Variants in RPH3A observed in about 807,000 individuals in gnomAD.
RPH3A encodes the protein rabphilin 3A.
A neutral mutation model predicts 102.2 loss-of-function variants in RPH3A; 48 were observed. The observed-to-expected ratio is 0.47, with a 90% CI of 0.37 to 0.60. RPH3A has a LOEUF of 0.60. Among genes scored for constraint, RPH3A ranks in the 20% least tolerant of loss-of-function variants. RPH3A has a pLI of 0.00. For synonymous variants in RPH3A, 310 were observed against 324.3 expected, an observed-to-expected ratio of 0.96 and a Z score of 0.47; for missense variants, 781 against 910.1, an observed-to-expected ratio of 0.86 and a Z score of 1.83.
chr12:112,589,167 G>A lies in RPH3A; in HGVS notation c.-140+13848G>A, dbSNP rs1313598864. Among the ~76,000 whole-genome samples the A allele has an allele frequency of 2.6e-5, 4 of 151,860 alleles. No individual in the cohort carries two copies. The South Asian group carries it at 8.3e-4, about 32-fold the overall frequency. On this transcript the variant is annotated intron_variant, in intron 1 of 21. Coordinates refer to the RPH3A transcript ENST00000543106. ...TGGAGAGATGAGGCTGGAGGGGGAAGTGGGGGCCAACCCAGGAGGGTTGGT... is the reference window on the plus strand; with the variant it reads ...TGGAGAGATGAGGCTGGAGGGGGAAATGGGGGCCAACCCAGGAGGGTTGGT...
intron 1 of RPH3A, among the ~76,000 whole-genome samples, chr12:112,727,436 CAT>C (rs1565862349): frequency 1.3e-4 from 6 of 45,706 alleles, no homozygotes; most frequent in African/African-American, 8.3e-4. Flanking sequence ...CACACACACA[CAT>C]ACATACACAC....
intron 2 of RPH3A, among the ~76,000 whole-genome samples, chr12:112,826,421 A>T (rs971773528): frequency 6.6e-6 from 1 of 152,178 alleles, no homozygotes; most frequent in Non-Finnish European, 1.5e-5. Flanking sequence ...CAAAAGAGTG[A>T]CATAACTGAC....
intron 2 of RPH3A, among the ~76,000 whole-genome samples, chr12:112,812,690 CCCCTCTCT>C (rs1338421772): frequency 5.9e-5 from 9 of 151,978 alleles, no homozygotes; most frequent in Middle Eastern, 6.8e-3. Context: ...TCTCTCTCTT[CCCCTCTCT>C]CCCTCTCTCC....
intron 2 of RPH3A, among the ~76,000 whole-genome samples, chr12:112,798,773 T>G (rs978366972): frequency 6.6e-6 from 1 of 151,886 alleles, no homozygotes; most frequent in African/African-American, 2.4e-5. Context: ...CCTGTCTCCT[T>G]ACTTTTCCCA....
intron 1 of RPH3A, among the ~76,000 whole-genome samples, chr12:112,684,650 C>T (rs1410474157): frequency 2.6e-5 from 4 of 152,162 alleles, no homozygotes; most frequent in African/African-American, 9.7e-5. Flanking sequence ...AATTTAAATA[C>T]AAATTTATAT....
intron 18 of RPH3A, 31 bp downstream of exon 18, chr12:112,890,111 T>C (rs1363590890): frequency 6.3e-7 from 1 of 1,599,840 alleles, no homozygotes; most frequent in Non-Finnish European, 8.6e-7. Flanking sequence ...GAAGCCACAG[T>C]CAGGGTCTGT....
intron 1 of RPH3A, among the ~76,000 whole-genome samples, chr12:112,730,471 G>C (rs916061742): frequency 3.9e-5 from 6 of 152,188 alleles, no homozygotes; most frequent in African/African-American, 1.4e-4. Flanking sequence ...ATAAAGGCTT[G>C]GCCATGTCAG....
rs769596820 is a variant in RPH3A at position 112,708,142 on chromosome 12, A to G, written c.-139-84001A>G. 2.6e-4 allele frequency among the ~76,000 whole-genome samples: 40 copies of G among 152,240 alleles called. 1 individual carries two copies. Among genetic ancestry groups the G allele is most frequent in the Non-Finnish European group, 4.9e-4 (33 of 68,040 alleles). Reference sequence around the variant, plus strand: ...AAAGTCTTGGGCTCCTAACATCTATAGGAACAATGAGGAAGTTCATGGTTT... The same window carrying G: ...AAAGTCTTGGGCTCCTAACATCTATGGGAACAATGAGGAAGTTCATGGTTT... On this transcript the variant is annotated intron_variant, in intron 1 of 21. Transcript: ENST00000543106.
chr12:112,887,971 G>A (rs1283835716), intron 17 of RPH3A, 48 bp downstream of exon 17: 1 of 1,601,076 alleles, frequency 6.2e-7, no homozygotes, highest in South Asian at 1.1e-5. Context: ...GGAGATTGGG[G>A]GAGCTGCCTT....
chr12:112,834,178 A>C (rs1419622711), intron 3 of RPH3A, among the ~76,000 whole-genome samples: 3 of 152,132 alleles, frequency 2.0e-5, no homozygotes, highest in Non-Finnish European at 4.4e-5. Context: ...TTTAGCAATA[A>C]ATTTGTTTGC....
intron 1 of RPH3A, among the ~76,000 whole-genome samples, chr12:112,687,740 C>T (rs1280985281): frequency 6.6e-6 from 1 of 152,166 alleles, no homozygotes; most frequent in African/African-American, 2.4e-5. Context: ...TTGCTTGAAG[C>T]CAACCTCTTC....
chr12:112,873,870 G>A (rs931059768), intron 10 of RPH3A: 5 of 152,258 alleles, frequency 3.3e-5, no homozygotes, highest in African/African-American at 4.8e-5. Flanking sequence ...TGACTGGGCT[G>A]TGCACTCCTG....
chr12:112,748,888 T>C (rs1394982602), intron 1 of RPH3A, among the ~76,000 whole-genome samples: 1 of 152,210 alleles, frequency 6.6e-6, no homozygotes, highest in Non-Finnish European at 1.5e-5. Context: ...TTAATTTTTT[T>C]TTTTTAATTA....
intron 1 of RPH3A, among the ~76,000 whole-genome samples, chr12:112,697,454 G>C (rs749989993): frequency 5.3e-5 from 8 of 152,168 alleles, no homozygotes; most frequent in Non-Finnish European, 1.2e-4. Flanking sequence ...CCATTGCTGA[G>C]AGAAATGAAG....
At chr12:112,848,609 G>T (rs922120779) in intron 5 of RPH3A, among the ~76,000 whole-genome samples, 1 of 152,190 alleles carries the variant, frequency 6.6e-6, no homozygotes, top group South Asian at 2.1e-4. Flanking sequence ...CCTGACCCAG[G>T]CTCTGGTGAC....
chr12:112,735,323 A>G (rs762049129), intron 1 of RPH3A, among the ~76,000 whole-genome samples: 5 of 152,222 alleles, frequency 3.3e-5, no homozygotes, highest in Admixed American at 1.3e-4. Context: ...AGGGAAGTCA[A>G]TAGAAACAAA....
chr12:112,615,118 C>G (rs1485203728), intron 1 of RPH3A, among the ~76,000 whole-genome samples: 1 of 152,180 alleles, frequency 6.6e-6, no homozygotes, highest in Non-Finnish European at 1.5e-5. Flanking sequence ...CTATAATATT[C>G]CAGCACCTTG....
rs978547351 is a variant in RPH3A at position 112,828,508 on chromosome 12, A to G, written c.71+119A>G. ...CCTGAGGAAGGGGGAGAGGAACCTAATGGGAGTTTAGTCATGAAAACATCT... is the reference window on the plus strand; with the variant it reads ...CCTGAGGAAGGGGGAGAGGAACCTAGTGGGAGTTTAGTCATGAAAACATCT... On this transcript the variant is annotated intron_variant, in intron 3 of 21. Transcript: ENST00000389385. 33 of 710,974 alleles carry G rather than the reference A, an allele frequency of 4.6e-5. No individual in the cohort carries two copies. The African/African-American group carries it at 5.3e-4, about 11-fold the overall frequency. 44.0% of individuals were successfully genotyped at this position (710,974 alleles called of 1,614,324 possible). A position where few individuals can be genotyped will look rare whatever the true frequency, so the allele number is the denominator to read the frequency against.
chr12:112,747,640 T>C (rs1816285867), intron 1 of RPH3A, among the ~76,000 whole-genome samples: 1 of 152,168 alleles, frequency 6.6e-6, no homozygotes, highest in Non-Finnish European at 1.5e-5. Flanking sequence ...AGTAGGTCTG[T>C]TCTGATCTCC....
Sources: allele counts gnomAD v4.1 joint callset (sites outside exome capture counted in the v4.1 genomes callset), GRCh38; gene constraint gnomAD v4.1.1; transcripts MANE v1.5; gene names NCBI Gene and HGNC (gene_info 2026-07-23, HGNC 2026-07-21).